Variants in ANXA11 observed in about 807,000 individuals in gnomAD.
ANXA11 encodes the protein 56 kDa autoantigen.
Under a neutral mutation model 64.7 loss-of-function variants are expected in ANXA11, and 57 were observed. The observed-to-expected ratio is 0.88, with a 90% CI of 0.71 to 1.10. The LOEUF is 1.10. Among genes scored for constraint, ANXA11 ranks in the 50% least tolerant of loss-of-function variants. The pLI, the probability that ANXA11 is intolerant of heterozygous loss-of-function variation, is 0.00. For synonymous variants in ANXA11, 260 were observed against 265.2 expected, an observed-to-expected ratio of 0.98 and a Z score of 0.19; for missense variants, 675 against 670.7, an observed-to-expected ratio of 1.01 and a Z score of -0.07.
At chr10:80,181,966 G>A (rs1284336460) in intron 1 of ANXA11, among the ~76,000 whole-genome samples, 1 of 152,270 alleles carries the variant, frequency 6.6e-6, no homozygotes, top group East Asian at 1.9e-4. Flanking sequence ...AACTTCTGCC[G>A]CACACAAAAC....
chr10:80,177,810 G>A (rs933278799), intron 1 of ANXA11, among the ~76,000 whole-genome samples: 1 of 152,154 alleles, frequency 6.6e-6, no homozygotes, highest in Non-Finnish European at 1.5e-5. Context: ...ACCCCCAGGA[G>A]AAAAGTAAAC....
chr10:80,196,926 G>A (rs1339713743), intron 1 of ANXA11, among the ~76,000 whole-genome samples: 3 of 152,178 alleles, frequency 2.0e-5, no homozygotes, highest in Admixed American at 6.5e-5. Flanking sequence ...GAGTGGCAGC[G>A]TCCGGAGCCT....
chr10:80,193,797 G>C (rs1269762805), intron 1 of ANXA11, among the ~76,000 whole-genome samples: 1 of 139,196 alleles, frequency 7.2e-6, no homozygotes, highest in Non-Finnish European at 1.6e-5. Flanking sequence ...GGGCAACAGA[G>C]GGAGACTCTG....
rs750407081 is a variant in ANXA11, at chr10:80,166,168, C to T, written c.774G>A (p.Leu258=). 4.2e-5 allele frequency: 68 copies of T among 1,611,474 alleles called. No homozygotes were observed. The highest frequency in any genetic ancestry group is 5.4e-5 in the Non-Finnish European group (64 of 1,178,204). Residue 258 remains leucine (L), a synonymous_variant, in exon 8 of 16, where the codon CTG becomes CTA. Transcript: ENST00000422982. ...KDLIKDLKSE[L]SGNFEKTILA... is the part of the protein sequence containing the mutation. ...AGATTGTCTTCTCAAAGTTTCCTGA[C>T]AGTTCAGATTTCAGATCTTTGATCA...
chr10:80,187,981 G>A (rs1437198990), intron 1 of ANXA11, among the ~76,000 whole-genome samples: 1 of 152,122 alleles, frequency 6.6e-6, no homozygotes, highest in East Asian at 1.9e-4. Flanking sequence ...CCGGAAGGAA[G>A]CAGAAACTTC....
At position 80,200,810 on chromosome 10, in the gene ANXA11, G is replaced by A. The variant is rs187347225; in HGVS notation, c.-58+4533C>T. On this transcript the variant is annotated intron_variant, in intron 1 of 15. Transcript: ENST00000422982. ...CTTTGGGAGGCTGAGGCGGGGCGGG[G>A]GGATTGCTTGAGGCCAGGGCTTTGA... 3.7e-3 allele frequency among the ~76,000 whole-genome samples: 556 copies of A among 152,218 alleles called. 2 individuals are homozygous for A. The highest frequency in any genetic ancestry group is 5.7e-3 in the Non-Finnish European group (390 of 68,012).
chr10:80,180,245 C>G (rs1475546580), intron 1 of ANXA11, among the ~76,000 whole-genome samples: 1 of 152,212 alleles, frequency 6.6e-6, no homozygotes, highest in Non-Finnish European at 1.5e-5. Context: ...AAAAGGGAAG[C>G]CTTGCTGTGT....
intron 3 of ANXA11, 65 bp downstream of exon 3, chr10:80,172,742 C>G: frequency 6.6e-7 from 1 of 1,515,512 alleles, no homozygotes; most frequent in Non-Finnish European, 9.2e-7. Context: ...CTGTTCTCCC[C>G]TCTCCACTCC....
At chr10:80,189,070 TG>T (rs1846663289) in intron 1 of ANXA11, among the ~76,000 whole-genome samples, 1 of 152,116 alleles carries the variant, frequency 6.6e-6, no homozygotes, top group Admixed American at 6.5e-5. Context: ...TTACTTTAGG[TG>T]GCAAAAGGGA....
chr10:80,188,338 A>T (rs1846624669), intron 1 of ANXA11, among the ~76,000 whole-genome samples: 1 of 151,902 alleles, frequency 6.6e-6, no homozygotes, highest in Non-Finnish European at 1.5e-5. Context: ...TCCAGTGACA[A>T]TGATTCCATT....
At chr10:80,201,185 G>A (rs1358479933) in intron 1 of ANXA11, among the ~76,000 whole-genome samples, 1 of 152,116 alleles carries the variant, frequency 6.6e-6, no homozygotes, top group Non-Finnish European at 1.5e-5. Flanking sequence ...AGTGAAGGCA[G>A]CCACATCTCC....
chr10:80,169,158 T>G lies in ANXA11; in HGVS notation c.372A>C (p.Pro124=), dbSNP rs759288711. The G allele has an allele frequency of 6.4e-7, 1 of 1,569,698 alleles. No individual in the cohort carries two copies. The highest frequency in any genetic ancestry group is 1.2e-5 in the South Asian group (1 of 83,624). Residue 124 remains proline, a synonymous_variant, in exon 5 of 16, where the codon CCA becomes CCC. Coordinates refer to ENST00000422982, the MANE Select transcript of ANXA11 (RefSeq NM_145868.2). ...TGGGCTGGCCCGGCACAGGGGCCCC[T>G]GGGTATGGCGGATATGAGGGCATCC... ...PSRMPSYPPY[P]GAPVPGQPMP... is the part of the protein sequence containing the mutation.
chr10:80,184,210 T>A (rs1457626875), intron 1 of ANXA11, among the ~76,000 whole-genome samples: 1 of 152,314 alleles, frequency 6.6e-6, no homozygotes, highest in East Asian at 1.9e-4. Context: ...ACTGTTCATA[T>A]CTCTAAATGT....
At chr10:80,158,581 G>C (rs1322005274) in intron 13 of ANXA11, among the ~76,000 whole-genome samples, 1 of 152,222 alleles carries the variant, frequency 6.6e-6, no homozygotes, top group Non-Finnish European at 1.5e-5. Context: ...GGGGTTGTGA[G>C]GGCCTCAGGG....
intron 1 of ANXA11, among the ~76,000 whole-genome samples, chr10:80,182,848 G>A (rs1235458676): frequency 1.3e-5 from 2 of 152,184 alleles, no homozygotes; most frequent in Non-Finnish European, 2.9e-5. Flanking sequence ...TGGCAGTCTT[G>A]TGGGACTGAG....
chr10:80,173,966 G>C (rs1446756898), intron 2 of ANXA11, among the ~76,000 whole-genome samples: 1 of 152,182 alleles, frequency 6.6e-6, no homozygotes, highest in Non-Finnish European at 1.5e-5. Context: ...CTGGTCCAGG[G>C]AACTCACTTT....
intron 15 of ANXA11, among the ~76,000 whole-genome samples, 156 bp from the exon 16 acceptor site, chr10:80,156,068 C>T (rs1349331283): frequency 6.6e-6 from 1 of 152,198 alleles, no homozygotes; most frequent in Non-Finnish European, 1.5e-5. Context: ...CGTCACAGAC[C>T]TTAAAAAATG....
intron 1 of ANXA11, among the ~76,000 whole-genome samples, chr10:80,180,788 C>A (rs112109457): frequency 2.4e-3 from 372 of 152,226 alleles, no homozygotes; most frequent in South Asian, 6.0e-3. Flanking sequence ...CCCCAAAGTT[C>A]ATGTGCTGCA....
In ANXA11 at chr10:80,166,354, C is replaced by A. The variant is rs1217459065; in HGVS notation, c.745-157G>T. The A allele has an allele frequency of 8.7e-6, 5 of 577,276 alleles. No homozygotes were observed. The Admixed American group carries it at 1.2e-4, about 14-fold the overall frequency. 35.8% of individuals were successfully genotyped at this position (577,276 alleles called of 1,614,324 possible). Reference sequence around the variant, plus strand: ...AGAGAAAAGCCTGCTCTCAGCCCTGCCCCAAACCTCCCAAATCAGAGACCA... The same window carrying A: ...AGAGAAAAGCCTGCTCTCAGCCCTGACCCAAACCTCCCAAATCAGAGACCA... On this transcript the variant is annotated intron_variant, in intron 7 of 15. Transcript: ENST00000422982.
Sources: gnomAD v4.1 joint callset for allele counts (sites outside exome capture counted in the v4.1 genomes callset) on GRCh38, gnomAD v4.1.1 for gene constraint, MANE v1.5 for transcripts, NCBI Gene and HGNC (gene_info 2026-07-23, HGNC 2026-07-21) for gene names.